Variants in ZNF438 observed in about 807,000 individuals in gnomAD.
ZNF438 encodes zinc finger protein 438.
In ZNF438, 25 loss-of-function variants were observed where a neutral mutation model predicts 38.0. The ratio of observed to expected loss-of-function variants is 0.66; its 90% confidence interval spans 0.48 to 0.92. ZNF438 has a LOEUF of 0.92. Ranked by LOEUF, ZNF438 falls within the 40% of genes least tolerant of loss-of-function variation. The probability of loss-of-function intolerance (pLI) is 0.00; values close to 1 mark genes in which losing one functional copy is unlikely to be tolerated. For missense variants in ZNF438, 1,007 were observed against 999.6 expected (o/e 1.01, Z -0.10); for synonymous variants, 372 against 364.1 (o/e 1.02, Z -0.25).
chr10:30,976,819 A>G (rs2051415055), intron 1 of ZNF438, among the ~76,000 whole-genome samples: 1 of 152,164 alleles, frequency 6.6e-6, no homozygotes, highest in South Asian at 2.1e-4. Context: ...AATAACACAT[A>G]ACACATTAAC....
chr10:30,954,822 G>A (rs1345914831), intron 1 of ZNF438, among the ~76,000 whole-genome samples: 1 of 152,096 alleles, frequency 6.6e-6, no homozygotes, highest in Non-Finnish European at 1.5e-5. Context: ...ATGAAAACAG[G>A]CTTTTGGACT....
At position 30,867,297 on chromosome 10, in the gene ZNF438, T is replaced by A. The variant is rs541084905; in HGVS notation, c.37+9701A>T. Among the ~76,000 whole-genome samples, 309 of 149,522 alleles carry A rather than the reference T, an allele frequency of 2.1e-3. 1 individual carries two copies. The highest frequency in any genetic ancestry group is 7.4e-3 in the African/African-American group (299 of 40,392). ...AATTTAAAGATATTTGCAGAAAATG[T>A]AAATCAATGCCAGTCTTCTCATTAT... On this transcript the variant is annotated intron_variant, in intron 4 of 5. Transcript: ENST00000413025.
chr10:30,987,361 G>A (rs2052946959), intron 1 of ZNF438, among the ~76,000 whole-genome samples: 1 of 148,440 alleles, frequency 6.7e-6, no homozygotes, highest in South Asian at 2.1e-4. Context: ...CAAAGCTGAT[G>A]CTGAATTAAA....
chr10:30,929,484 C>A (rs572551870), intron 2 of ZNF438, among the ~76,000 whole-genome samples: 1 of 152,184 alleles, frequency 6.6e-6, no homozygotes, highest in Admixed American at 6.5e-5. Flanking sequence ...TGCAGATCTT[C>A]GCGGTGATTG....
intron 4 of ZNF438, chr10:30,875,239 AG>A: frequency 1.0e-6 from 1 of 985,306 alleles, no homozygotes; most frequent in East Asian, 1.1e-4. Flanking sequence ...AACTGTGATG[AG>A]AAGCAAAGCA....
chr10:30,918,311 G>T (rs1000433787), intron 2 of ZNF438, among the ~76,000 whole-genome samples: 1 of 152,016 alleles, frequency 6.6e-6, no homozygotes, highest in African/African-American at 2.4e-5. Flanking sequence ...TTACAAAAAG[G>T]CCCGTGGATT....
At chr10:30,898,518 G>A (rs1477714651) in intron 3 of ZNF438, among the ~76,000 whole-genome samples, 3 of 151,938 alleles carry the variant, frequency 2.0e-5, no homozygotes. Context: ...ATACATGTAT[G>A]TGTGTGCATA....
At chr10:30,855,654 T>A (rs2034492255) in intron 4 of ZNF438, among the ~76,000 whole-genome samples, 1 of 152,190 alleles carries the variant, frequency 6.6e-6, no homozygotes, top group African/African-American at 2.4e-5. Context: ...TACTTAAGTG[T>A]CCACCAACAG....
chr10:31,017,212 G>A (rs1379915386), intron 1 of ZNF438, among the ~76,000 whole-genome samples: 1 of 152,254 alleles, frequency 6.6e-6, no homozygotes, highest in Non-Finnish European at 1.5e-5. Flanking sequence ...GCTCTAGCAA[G>A]AAGGCAAGTC....
At chr10:30,977,135 A>G (rs1407608153) in intron 1 of ZNF438, among the ~76,000 whole-genome samples, 2 of 152,216 alleles carry the variant, frequency 1.3e-5, no homozygotes, top group South Asian at 4.1e-4. Flanking sequence ...TTTGCAAAAC[A>G]TTCTCTCAAA....
chr10:30,961,246 A>T (rs1320684928), intron 1 of ZNF438, among the ~76,000 whole-genome samples: 1,815 of 139,716 alleles, frequency 0.013, 78 homozygotes, highest in African/African-American at 0.041. Context: ...ATAAATAAAA[A>T]AAAAAAATTA....
In ZNF438 at chr10:30,866,786, A is replaced by C. The variant is rs543817324; in HGVS notation, c.37+10212T>G. On this transcript the variant is annotated intron_variant, in intron 4 of 5. Transcript: ENST00000413025. The stretch of plus-strand genomic sequence containing the variant: ...GAGGTGGAGCTTGCAGTGAGCCGAG[A>C]TCGCGCCACTGCACTCCAGCCTGAG... Among the ~76,000 whole-genome samples the C allele has an allele frequency of 2.6e-5, 4 of 152,024 alleles. No homozygotes were observed. In the East Asian group the frequency reaches 7.7e-4, roughly 29 times the overall value.
intron 4 of ZNF438, among the ~76,000 whole-genome samples, chr10:30,874,460 T>C (rs1339355830): frequency 6.6e-6 from 1 of 152,032 alleles, no homozygotes; most frequent in Non-Finnish European, 1.5e-5. Flanking sequence ...ATAAATTATA[T>C]TTGATCATAA....
At chr10:31,007,175 G>C (rs1440332227) in intron 1 of ZNF438, among the ~76,000 whole-genome samples, 1 of 151,998 alleles carries the variant, frequency 6.6e-6, no homozygotes, top group Non-Finnish European at 1.5e-5. Flanking sequence ...AGGGAGAAGG[G>C]AAGCCCTGCT....
intron 2 of ZNF438, among the ~76,000 whole-genome samples, chr10:30,930,345 G>T (rs1013280087): frequency 6.6e-6 from 1 of 152,126 alleles, no homozygotes; most frequent in African/African-American, 2.4e-5. Context: ...GCCCAGGGCC[G>T]ACACTCCTGG....
At chr10:30,929,691 G>A (rs3006568) in intron 2 of ZNF438, among the ~76,000 whole-genome samples, 21,406 of 152,130 alleles carry the variant, frequency 0.14, 1,741 homozygotes, top group Middle Eastern at 0.24. Context: ...TTTTACAGAG[G>A]GCTGACTGAT....
At position 30,849,866 on chromosome 10, in the gene ZNF438, G is replaced by C. The variant is rs138921820; in HGVS notation, c.539C>G (p.Pro180Arg). 17 of 1,613,958 alleles carry C rather than the reference G, an allele frequency of 1.1e-5. No homozygotes were observed. The African/African-American group carries it at 1.7e-4, about 16-fold the overall frequency. ...GCTGGCTGGGGCTTGCTCTAGTGAT[G>C]GTACTTCCTCAAATGGACTGGGTTT... Residue 180 changes from proline to arginine, a missense_variant, in exon 5 of 6, where the codon CCA becomes CGA. Coordinates refer to ENST00000413025, the Ensembl canonical transcript of ZNF438.
At chr10:30,940,972 T>C (rs2046760810) in intron 2 of ZNF438, among the ~76,000 whole-genome samples, 1 of 152,220 alleles carries the variant, frequency 6.6e-6, no homozygotes, top group Non-Finnish European at 1.5e-5. Flanking sequence ...CACTTAGGAC[T>C]TAACGACTAG....
intron 1 of ZNF438, among the ~76,000 whole-genome samples, chr10:30,946,537 C>T (rs1271673853): frequency 6.6e-6 from 1 of 152,076 alleles, no homozygotes; most frequent in Non-Finnish European, 1.5e-5. Flanking sequence ...GGGCGAAGGA[C>T]ATGAACAGAC....
Sources: allele counts gnomAD v4.1 joint callset (sites outside exome capture counted in the v4.1 genomes callset), GRCh38; gene constraint gnomAD v4.1.1; transcripts MANE v1.5; gene names NCBI Gene and HGNC (gene_info 2026-07-23, HGNC 2026-07-21).